FHIT: variants seen among roughly 807,000 people sequenced by gnomAD.
FHIT encodes the protein bis(5'-adenosyl)-triphosphatase.
FHIT carries 19 observed loss-of-function variants against 17.9 expected under a neutral mutation model. The observed-to-expected ratio is 1.06, with a 90% CI of 0.74 to 1.56. The LOEUF (loss-of-function observed/expected upper bound fraction) is 1.56, where lower values mean the gene tolerates loss of function less well. Among genes scored for constraint, FHIT ranks in the 40% most tolerant of loss-of-function variants. The probability of loss-of-function intolerance (pLI) is 0.00; values close to 1 mark genes in which losing one functional copy is unlikely to be tolerated. For missense variants in FHIT, 248 were observed against 189.2 expected (o/e 1.31, Z -1.82); for synonymous variants, 81 against 69.7 (o/e 1.16, Z -0.81).
intron 4 of FHIT, among the ~76,000 whole-genome samples, chr3:60,584,560 A>G (rs1306990818): frequency 6.6e-6 from 1 of 152,006 alleles, no homozygotes; most frequent in Non-Finnish European, 1.5e-5. Flanking sequence ...TTCCCCTTTT[A>G]TATTAAATAT....
intron 8 of FHIT, among the ~76,000 whole-genome samples, chr3:59,813,335 C>G (rs1700474342): frequency 6.6e-6 from 1 of 152,156 alleles, no homozygotes; most frequent in African/African-American, 2.4e-5. Flanking sequence ...CATATTTACA[C>G]CTTGGAAATG....
At chr3:60,023,608 T>C (rs1205511893) in intron 5 of FHIT, among the ~76,000 whole-genome samples, 3 of 151,992 alleles carry the variant, frequency 2.0e-5, no homozygotes, top group East Asian at 1.9e-4. Context: ...TCAGATGCCA[T>C]CTGAAGGCAA....
At chr3:61,250,413 G>A in intron 1 of FHIT, among the ~76,000 whole-genome samples, 1 of 152,152 alleles carries the variant, frequency 6.6e-6, no homozygotes, top group East Asian at 1.9e-4. Flanking sequence ...ATTTCTGAGA[G>A]ACCAGAATAA....
chr3:59,908,183 A>C (rs1013758140), intron 8 of FHIT, among the ~76,000 whole-genome samples: 3 of 152,250 alleles, frequency 2.0e-5, no homozygotes, highest in African/African-American at 7.2e-5. Context: ...GACTCACTGC[A>C]AGCCATCCCT....
intron 5 of FHIT, among the ~76,000 whole-genome samples, chr3:60,284,171 C>T (rs2107653518): frequency 6.6e-6 from 1 of 152,220 alleles, no homozygotes; most frequent in South Asian, 2.1e-4. Context: ...TGAGAACAAA[C>T]TTAACATAAA....
At chr3:60,976,096 C>CTTTCTTTTTTTTT (rs1710226714) in intron 3 of FHIT, among the ~76,000 whole-genome samples, 2 of 66,754 alleles carry the variant, frequency 3.0e-5, no homozygotes, top group Non-Finnish European at 5.2e-5. Flanking sequence ...TTTTCTTTTT[C>CTTTCTTTTTTTTT]TTTTTTTTTT....
intron 3 of FHIT, among the ~76,000 whole-genome samples, chr3:60,951,866 G>A (rs1708899585): frequency 6.6e-6 from 1 of 152,176 alleles, no homozygotes; most frequent in Admixed American, 6.5e-5. Context: ...GAGTGGGGCA[G>A]AAAGGATTCC....
At chr3:60,009,534 T>C (rs1358982551) in intron 7 of FHIT, among the ~76,000 whole-genome samples, 1 of 152,034 alleles carries the variant, frequency 6.6e-6, no homozygotes. Flanking sequence ...AATTGGGACA[T>C]CAAAAAGTAA....
At chr3:60,001,782 T>A (rs942059949) in intron 7 of FHIT, among the ~76,000 whole-genome samples, 3 of 152,164 alleles carry the variant, frequency 2.0e-5, no homozygotes, top group Non-Finnish European at 4.4e-5. Context: ...GAGCAGAGCT[T>A]GGAGTCACAT....
intron 4 of FHIT, among the ~76,000 whole-genome samples, chr3:60,564,377 A>G (rs2037059719): frequency 6.6e-6 from 1 of 152,178 alleles, no homozygotes; most frequent in Non-Finnish European, 1.5e-5. Flanking sequence ...TGCTAATACA[A>G]TATCTATTCT....
At chr3:60,454,729 G>A (rs1281306774) in intron 5 of FHIT, among the ~76,000 whole-genome samples, 1 of 152,014 alleles carries the variant, frequency 6.6e-6, no homozygotes, top group Non-Finnish European at 1.5e-5. Context: ...TAATAAAAGG[G>A]CCACCATTTC....
At chr3:61,238,194 G>C (rs2106906508) in intron 1 of FHIT, among the ~76,000 whole-genome samples, 1 of 152,274 alleles carries the variant, frequency 6.6e-6, no homozygotes, top group Admixed American at 6.5e-5. Context: ...GGAAACGGGA[G>C]GCTATGCAAA....
chr3:60,359,195 C>T (rs1360781551), intron 5 of FHIT, among the ~76,000 whole-genome samples: 1 of 151,604 alleles, frequency 6.6e-6, no homozygotes. Flanking sequence ...ACAGAGTAGA[C>T]TGGCTTGACT....
At chr3:60,073,930 G>A (rs1023427416) in intron 5 of FHIT, among the ~76,000 whole-genome samples, 3 of 152,172 alleles carry the variant, frequency 2.0e-5, no homozygotes, top group African/African-American at 7.2e-5. Context: ...TTGTTGTTCA[G>A]TAAATATTCA....
chr3:60,521,550 A>G (rs182607159), intron 5 of FHIT, among the ~76,000 whole-genome samples: 1 of 152,246 alleles, frequency 6.6e-6, no homozygotes, highest in East Asian at 1.9e-4. Context: ...CCCGGCCAAA[A>G]GTTATAATTA....
intron 5 of FHIT, among the ~76,000 whole-genome samples, chr3:60,297,834 G>C (rs947885699): frequency 6.6e-6 from 1 of 152,062 alleles, no homozygotes; most frequent in East Asian, 1.9e-4. Flanking sequence ...GATATTGTCA[G>C]ATCCAACAGG....
intron 5 of FHIT, among the ~76,000 whole-genome samples, chr3:60,359,877 A>C (rs1335535029): frequency 6.6e-6 from 1 of 152,144 alleles, no homozygotes; most frequent in African/African-American, 2.4e-5. Context: ...AAAATCCAAC[A>C]ATGATGGGAA....
intron 5 of FHIT, among the ~76,000 whole-genome samples, chr3:60,351,852 C>T (rs373248897): frequency 2.2e-4 from 33 of 148,652 alleles, no homozygotes; most frequent in African/African-American, 7.9e-4. Context: ...CCATGCCCTT[C>T]CTTCTCAGTC....
intron 5 of FHIT, among the ~76,000 whole-genome samples, chr3:60,258,664 A>T (rs567950111): frequency 6.6e-6 from 1 of 152,304 alleles, no homozygotes; most frequent in South Asian, 2.1e-4. Flanking sequence ...AAAAGCATAT[A>T]AATCTATTGA....
Sources: allele counts gnomAD v4.1 joint callset (sites outside exome capture counted in the v4.1 genomes callset), GRCh38; gene constraint gnomAD v4.1.1; transcripts MANE v1.5; gene names NCBI Gene and HGNC (gene_info 2026-07-23, HGNC 2026-07-21).